SLC5A8: variants seen among roughly 807,000 people sequenced by gnomAD.
SLC5A8 encodes sodium-coupled monocarboxylate transporter 1.
SLC5A8 carries 55 observed loss-of-function variants against 71.9 expected under a neutral mutation model. The observed-to-expected ratio is 0.77, with a 90% CI of 0.62 to 0.96. The LOEUF is 0.96. Among genes scored for constraint, SLC5A8 ranks in the 40% least tolerant of loss-of-function variants. The probability of loss-of-function intolerance (pLI) is 0.00; values close to 1 mark genes in which losing one functional copy is unlikely to be tolerated. For missense variants in SLC5A8, 701 were observed against 745.3 expected, an observed-to-expected ratio of 0.94 and a Z score of 0.69; for synonymous variants, 307 against 276.1, an observed-to-expected ratio of 1.11 and a Z score of -1.11.
intron 5 of SLC5A8, 81 bp from the exon 6 acceptor site, chr12:101,190,689 A>G: frequency 3.1e-6 from 4 of 1,303,324 alleles, no homozygotes; most frequent in Non-Finnish European, 4.1e-6. Flanking sequence ...TTTGGAAGCA[A>G]GCAATGCACA....
intron 7 of SLC5A8, 38 bp downstream of exon 7, chr12:101,187,348 A>G: frequency 6.3e-7 from 1 of 1,576,162 alleles, no homozygotes; most frequent in Non-Finnish European, 8.6e-7. Context: ...CTTTTTGAAT[A>G]TTATTAATAC....
intron 3 of SLC5A8, among the ~76,000 whole-genome samples, chr12:101,196,041 G>T (rs969620774): frequency 4.6e-5 from 7 of 152,138 alleles, no homozygotes; most frequent in African/African-American, 1.7e-4. Flanking sequence ...ACATGTGGAG[G>T]TTTGTTACAT....
chr12:101,205,948 T>C (rs913979504), intron 1 of SLC5A8, among the ~76,000 whole-genome samples: 1 of 152,210 alleles, frequency 6.6e-6, no homozygotes, highest in African/African-American at 2.4e-5. Flanking sequence ...ACACAGTGCC[T>C]TGTAGTACAC....
chr12:101,161,356 T>C (rs576650931), intron 13 of SLC5A8, among the ~76,000 whole-genome samples: 262 of 152,208 alleles, frequency 1.7e-3, no homozygotes, highest in African/African-American at 4.6e-3. Context: ...AGAGAATTCA[T>C]AGAATGAGGA....
chr12:101,163,738 A>C (rs1318475699), intron 12 of SLC5A8, among the ~76,000 whole-genome samples: 1 of 152,252 alleles, frequency 6.6e-6, no homozygotes, highest in African/African-American at 2.4e-5. Flanking sequence ...AGTTGAGCTA[A>C]TGAAATTAAG....
chr12:101,158,758 T>A (rs1165783281), intron 13 of SLC5A8, among the ~76,000 whole-genome samples: 3 of 150,554 alleles, frequency 2.0e-5, no homozygotes, highest in East Asian at 3.9e-4. Flanking sequence ...GCACCCTCCA[T>A]GCCATCAGTA....
chr12:101,188,705 T>G (rs188303752), intron 6 of SLC5A8, among the ~76,000 whole-genome samples: 4 of 152,210 alleles, frequency 2.6e-5, no homozygotes, highest in African/African-American at 4.8e-5. Context: ...CCTCAGAGTC[T>G]GCTTCCGGAA....
At chr12:101,203,484 A>G (rs947797831) in intron 2 of SLC5A8, among the ~76,000 whole-genome samples, 2 of 151,994 alleles carry the variant, frequency 1.3e-5, no homozygotes, top group Admixed American at 6.6e-5. Flanking sequence ...AGTAGCTGGG[A>G]TTACAGGCAC....
In SLC5A8 at chr12:101,209,965, G is replaced by T. The variant is rs1331738543; in HGVS notation, c.-117C>A. Reference sequence around the variant, plus strand: ...GCGCGCAGGCGTGGCGTCCCGCGGGGACTGGAGGCGTCCTCCAGGTGTCGG... The same window carrying T: ...GCGCGCAGGCGTGGCGTCCCGCGGGTACTGGAGGCGTCCTCCAGGTGTCGG... On this transcript the variant is annotated 5_prime_UTR_variant, in exon 1 of 15. Transcript: ENST00000536262. The T allele has an allele frequency of 1.1e-5, 10 of 927,432 alleles. No homozygotes were observed. The highest frequency in any genetic ancestry group is 2.0e-5 in the South Asian group (1 of 50,906). 57.5% of individuals were successfully genotyped at this position (927,432 alleles called of 1,614,324 possible). A position where few individuals can be genotyped will look rare whatever the true frequency, so the allele number is the denominator to read the frequency against.
chr12:101,179,731 A>G (rs113111258), intron 10 of SLC5A8, among the ~76,000 whole-genome samples: 1,661 of 152,278 alleles, frequency 0.011, 18 homozygotes, highest in South Asian at 0.029. Context: ...ATCAATGTCA[A>G]TATATGAGTT....
At chr12:101,188,401 G>A (rs1868753961) in intron 6 of SLC5A8, among the ~76,000 whole-genome samples, 1 of 152,166 alleles carries the variant, frequency 6.6e-6, no homozygotes, top group Non-Finnish European at 1.5e-5. Flanking sequence ...GTAGTGGACA[G>A]TGATGAGCTG....
chr12:101,208,887 G>T (rs770359558), intron 1 of SLC5A8, among the ~76,000 whole-genome samples: 1 of 152,058 alleles, frequency 6.6e-6, no homozygotes, highest in Admixed American at 6.5e-5. Flanking sequence ...TTTTATTTTT[G>T]AGGAATAGGC....
Position 101,190,540 on chromosome 12 carries a change from G to A in SLC5A8, c.761C>T (p.Thr254Ile), listed in dbSNP as rs781328159. ...GGATTGGTTGACACCGTAGATGCTG[G>A]TCCATGTGAAGGTCCCTCCTATAAT... ...TIIIGGTFTW[T>I]SIYGVNQSQV... The change falls in exon 6 of 15, where the codon ACC becomes ATC. Residue 254 changes from threonine (T) to isoleucine (I), a missense_variant. Thr to Ile is a moderately conservative substitution (Grantham distance 89). Coordinates refer to ENST00000536262, the MANE Select transcript of SLC5A8 (RefSeq NM_145913.5). 5.0e-6 allele frequency: 8 copies of A among 1,613,186 alleles called. No homozygotes were observed. The highest frequency in any genetic ancestry group is 6.8e-6 in the Non-Finnish European group (8 of 1,179,668).
chr12:101,198,270 C>A (rs1009015332), intron 3 of SLC5A8, among the ~76,000 whole-genome samples: 4 of 151,202 alleles, frequency 2.6e-5, no homozygotes, highest in African/African-American at 9.7e-5. Flanking sequence ...GCTAGAAAAC[C>A]CAAAGTTATT....
chr12:101,177,548 T>C (rs897972453), intron 10 of SLC5A8, among the ~76,000 whole-genome samples: 1 of 151,372 alleles, frequency 6.6e-6, no homozygotes, highest in Non-Finnish European at 1.5e-5. Context: ...AAATTCTTAA[T>C]AAAATATTAG....
intron 8 of SLC5A8, 84 bp downstream of exon 8, chr12:101,184,050 T>G (rs1169843498): frequency 5.8e-6 from 8 of 1,381,546 alleles, no homozygotes; most frequent in Admixed American, 1.8e-5. Context: ...TGCCCAGAAC[T>G]CCACATTATC....
Position 101,182,810 on chromosome 12 carries a change from T to C in SLC5A8, c.1158A>G (p.Gln386=), listed in dbSNP as rs768933645. The change falls in exon 9 of 15, where the codon CAA becomes CAG. Residue 386 remains glutamine, a synonymous_variant. Transcript: ENST00000536262. ...ATGAAAACAGAAACTTACTCATTCC[T>C]TGGGAAATCCAAGACAGAGACCTTT... ...LSERSLSWIS[Q]GMSVVYGALC... 6.3e-6 allele frequency: 10 copies of C among 1,576,954 alleles called. No homozygotes were observed. In the East Asian group the frequency reaches 1.6e-4, roughly 25 times the overall value.
chr12:101,178,417 G>A (rs1478231561), intron 10 of SLC5A8, among the ~76,000 whole-genome samples: 1 of 152,140 alleles, frequency 6.6e-6, no homozygotes, highest in Non-Finnish European at 1.5e-5. Context: ...TAAAGCTGCA[G>A]TAATCAAAAT....
At chr12:101,165,512 C>T (rs575611394) in intron 12 of SLC5A8, among the ~76,000 whole-genome samples, 12 of 152,220 alleles carry the variant, frequency 7.9e-5, no homozygotes, top group African/African-American at 2.6e-4. Flanking sequence ...CTCCACAGCA[C>T]CTCACCTAGT....
Sources: allele counts gnomAD v4.1 joint callset (sites outside exome capture counted in the v4.1 genomes callset), GRCh38; gene constraint gnomAD v4.1.1; transcripts MANE v1.5; gene names NCBI Gene and HGNC (gene_info 2026-07-23, HGNC 2026-07-21).